OCA2: variants seen among roughly 807,000 people sequenced by gnomAD.
The protein encoded by OCA2 is OCA2 melanosomal transmembrane protein.
OCA2 carries 77 observed loss-of-function variants against 100.2 expected under a neutral mutation model. The ratio of observed to expected loss-of-function variants is 0.77; its 90% CI spans 0.64 to 0.93. The LOEUF is 0.93. Ranked by LOEUF, OCA2 falls within the 40% of genes least tolerant of loss-of-function variation. The pLI is 0.00. For synonymous variants in OCA2, 432 were observed against 439.2 expected (o/e 0.98, Z 0.21); for missense variants, 1,062 against 1,089.1 (o/e 0.98, Z 0.35).
At chr15:27,963,490 T>C (rs1326156438) in intron 15 of OCA2, among the ~76,000 whole-genome samples, 2 of 152,004 alleles carry the variant, frequency 1.3e-5, no homozygotes, top group Non-Finnish European at 2.9e-5. Context: ...TCCCAAATAC[T>C]TGGAAGGTAT....
At position 28,023,803 on chromosome 15, in the gene OCA2, T is replaced by G. The variant is rs545655714; in HGVS notation, c.573+1042A>C. 1.3e-4 allele frequency among the ~76,000 whole-genome samples: 20 copies of G among 151,584 alleles called. No individual in the cohort carries two copies. In the East Asian group the frequency reaches 3.9e-3, roughly 30 times the overall value. On this transcript the variant is annotated intron_variant, in intron 5 of 23. Transcript: ENST00000354638. ...CCACAACCTACACAGCTCACACAGG[T>G]GCACACACAGAGACATACAGCAGGC...
intron 19 of OCA2, among the ~76,000 whole-genome samples, chr15:27,901,175 T>G (rs1192295049): frequency 6.6e-6 from 1 of 152,250 alleles, no homozygotes; most frequent in African/African-American, 2.4e-5. Flanking sequence ...AGCTCTTGTT[T>G]TGAGGACAAG....
At chr15:27,827,428 A>C (rs2034773445) in intron 23 of OCA2, among the ~76,000 whole-genome samples, 1 of 152,190 alleles carries the variant, frequency 6.6e-6, no homozygotes, top group South Asian at 2.1e-4. Flanking sequence ...AATTTAGGAC[A>C]ACACCACCTT....
At chr15:27,781,400 T>G (rs962274108) in intron 23 of OCA2, among the ~76,000 whole-genome samples, 1 of 152,154 alleles carries the variant, frequency 6.6e-6, no homozygotes, top group Non-Finnish European at 1.5e-5. Context: ...CCTCACATAT[T>G]CAAAGCAAAC....
the OCA2 span, among the ~76,000 whole-genome samples, chr15:27,735,244 A>G: frequency 6.6e-6 from 1 of 152,210 alleles, no homozygotes; most frequent in Non-Finnish European, 1.5e-5. Context: ...GAGAGCATCA[A>G]CGTTGGAATT....
At chr15:27,725,572 C>T in the OCA2 span, among the ~76,000 whole-genome samples, 2 of 152,250 alleles carry the variant, frequency 1.3e-5, no homozygotes, top group East Asian at 1.9e-4. Context: ...CCGTGACAAA[C>T]AAAAACAAAC....
chr15:28,025,517 G>C (rs2042723427), intron 4 of OCA2, among the ~76,000 whole-genome samples: 1 of 152,158 alleles, frequency 6.6e-6, no homozygotes, highest in South Asian at 2.1e-4. Flanking sequence ...ATGTGAACCT[G>C]GGCCTGGCCT....
At chr15:27,994,968 T>C (rs2041675523) in intron 9 of OCA2, among the ~76,000 whole-genome samples, 2 of 152,058 alleles carry the variant, frequency 1.3e-5, no homozygotes, top group African/African-American at 4.8e-5. Flanking sequence ...ATAGCTAAAG[T>C]TATATCAGAC....
intron 8 of OCA2, 54 bp downstream of exon 8, chr15:28,016,050 A>T: frequency 7.0e-7 from 1 of 1,429,684 alleles, no homozygotes; most frequent in Non-Finnish European, 9.9e-7. Context: ...AGACTCCTTT[A>T]AACGCACGTG....
intron 18 of OCA2, among the ~76,000 whole-genome samples, chr15:27,935,014 G>A (rs1006163458): frequency 6.6e-6 from 1 of 152,146 alleles, no homozygotes; most frequent in Non-Finnish European, 1.5e-5. Context: ...GTCCCTGTGA[G>A]CAATGCTCCA....
chr15:27,814,911 GAT>G (rs2151237627), intron 23 of OCA2, among the ~76,000 whole-genome samples: 1 of 148,894 alleles, frequency 6.7e-6, no homozygotes, highest in South Asian at 2.2e-4. Context: ...TAGATAGATA[GAT>G]AGATAGATAG....
At chr15:28,047,404 T>C (rs2043378665) in intron 2 of OCA2, among the ~76,000 whole-genome samples, 1 of 152,198 alleles carries the variant, frequency 6.6e-6, no homozygotes, top group African/African-American at 2.4e-5. Flanking sequence ...TATCTGTCCA[T>C]GGCACCATCC....
chr15:27,970,815 C>T (rs932554357), intron 14 of OCA2, among the ~76,000 whole-genome samples: 2 of 148,292 alleles, frequency 1.3e-5, no homozygotes, highest in Non-Finnish European at 1.5e-5. Context: ...TACCCCAGTA[C>T]GTATGGCATG....
intron 2 of OCA2, among the ~76,000 whole-genome samples, chr15:28,049,880 C>T (rs1597197): frequency 0.44 from 67,470 of 152,104 alleles, 21,328 homozygotes; most frequent in East Asian, 0.89. Context: ...AGAATTTGTG[C>T]TGATGGTTGC....
chr15:27,817,687 C>T lies in OCA2; in HGVS notation c.2432+27272G>A, dbSNP rs147508816. On this transcript the variant is annotated intron_variant, in intron 23 of 23. Coordinates refer to ENST00000354638, the MANE Select transcript of OCA2 (RefSeq NM_000275.3). ...GGTCTCCTCCCAGCTCCTCATTTGG[C>T]GCCCTGTGATCATTAAACTGTTTCT... 1.9e-3 allele frequency among the ~76,000 whole-genome samples: 291 copies of T among 152,258 alleles called. 2 individuals carry two copies. The highest frequency in any genetic ancestry group is 6.7e-3 in the African/African-American group (278 of 41,538).
chr15:27,759,382 T>C (rs905383318), intron 23 of OCA2, among the ~76,000 whole-genome samples: 2 of 152,110 alleles, frequency 1.3e-5, no homozygotes, highest in Non-Finnish European at 2.9e-5. Flanking sequence ...AGCAAATGTA[T>C]GGTTAAATAT....
intron 2 of OCA2, among the ~76,000 whole-genome samples, chr15:28,037,122 A>T (rs1348940973): frequency 6.6e-6 from 1 of 152,082 alleles, no homozygotes; most frequent in Non-Finnish European, 1.5e-5. Context: ...CTCAGGACAG[A>T]GGGCAGGTGG....
chr15:27,889,855 C>G (rs1431844297), intron 19 of OCA2, among the ~76,000 whole-genome samples: 1 of 152,144 alleles, frequency 6.6e-6, no homozygotes, highest in East Asian at 1.9e-4. Context: ...TTAGAGCCAA[C>G]CCTGACTCAT....
Position 27,989,635 on chromosome 15 carries a change from A to G in OCA2, c.1148T>C (p.Ile383Thr), listed in dbSNP as rs1477461829. Reference protein sequence around the residue: ...RPSLTHVVEWIDFETLALLFG... With the variant: ...RPSLTHVVEWTDFETLALLFG... ...CAGCAGGGCCAGCGTCTCAAAATCA[A>G]TCCACTCCACCACATGGGTCAGGCT... The change falls in exon 11 of 24, where the codon ATT (isoleucine) becomes ACT (threonine). Residue 383 changes from isoleucine to threonine, a missense_variant. Physicochemically the swap from Ile to Thr is moderately conservative, Grantham distance 89. Transcript: ENST00000354638. The G allele has an allele frequency of 6.2e-7, 1 of 1,614,140 alleles. No homozygotes were observed. The highest frequency in any genetic ancestry group is 2.2e-5 in the East Asian group (1 of 44,852).
Sources: gnomAD v4.1 joint callset for allele counts (sites outside exome capture counted in the v4.1 genomes callset) on GRCh38, gnomAD v4.1.1 for gene constraint, MANE v1.5 for transcripts, NCBI Gene and HGNC (gene_info 2026-07-23, HGNC 2026-07-21) for gene names.